ZBTB8OS: variants seen among roughly 807,000 people sequenced by gnomAD.
ZBTB8OS encodes tRNA-splicing ligase-activating factor archease.
ZBTB8OS carries 16 observed loss-of-function variants against 29.3 expected under a neutral mutation model. The ratio of observed to expected loss-of-function variants is 0.55; its 90% CI spans 0.37 to 0.83. The LOEUF (loss-of-function observed/expected upper bound fraction) is 0.83, where lower values mean the gene tolerates loss of function less well. ZBTB8OS is among the 40% of genes least tolerant of loss of function. The probability of loss-of-function intolerance (pLI) is 0.00; values close to 1 mark genes in which losing one functional copy is unlikely to be tolerated. For synonymous variants in ZBTB8OS, 70 were observed against 64.6 expected, an observed-to-expected ratio of 1.08 and a Z score of -0.40; for missense variants, 160 against 196.9, an observed-to-expected ratio of 0.81 and a Z score of 1.12.
At chr1:32,638,230 CTTTTTTTTTTT>C (rs760775116) in intron 1 of ZBTB8OS, among the ~76,000 whole-genome samples, 1 of 102,152 alleles carries the variant, frequency 9.8e-6, no homozygotes, top group Non-Finnish European at 1.9e-5. Context: ...CTCCAGAATT[CTTTTTTTTTTT>C]TTTTTTTTTT....
At chr1:32,636,652 T>C (rs1645984297) in intron 1 of ZBTB8OS, among the ~76,000 whole-genome samples, 2 of 148,294 alleles carry the variant, frequency 1.3e-5, no homozygotes, top group African/African-American at 5.1e-5. Context: ...ATCGCGCCAC[T>C]GCATTCCAGC....
intron 6 of ZBTB8OS, among the ~76,000 whole-genome samples, chr1:32,623,294 G>T (rs1460753913): frequency 6.6e-6 from 1 of 152,110 alleles, no homozygotes; most frequent in Admixed American, 6.6e-5. Context: ...ATGCTAACTG[G>T]TATCACCCTG....
In ZBTB8OS at chr1:32,634,109, C is replaced by T. The variant is rs776711862; in HGVS notation, c.123-37G>A. 8 of 1,389,064 alleles carry T rather than the reference C, an allele frequency of 5.8e-6. No homozygotes were observed. In the African/African-American group the frequency reaches 1.2e-4, roughly 21 times the overall value. The allele number at this position is 1,389,064 out of a possible 1,614,324, so 86.0% of individuals were successfully genotyped here. On this transcript the variant is annotated intron_variant, in intron 2 of 6. Transcript: ENST00000468695. Reference sequence around the variant, plus strand: ...TATTCATGCTCTGTGTAATACAATCCACTGCAAGAAAGAAAATTTGATAGC... The same window carrying T: ...TATTCATGCTCTGTGTAATACAATCTACTGCAAGAAAGAAAATTTGATAGC...
intron 5 of ZBTB8OS, 109 bp from the exon 6 acceptor site, chr1:32,627,653 G>T: frequency 2.0e-6 from 2 of 980,220 alleles, no homozygotes; most frequent in East Asian, 2.5e-5. Context: ...GAGACAGGAG[G>T]GGGTCAGGGA....
chr1:32,647,657 A>G (rs572695339), intron 1 of ZBTB8OS, among the ~76,000 whole-genome samples: 30 of 152,256 alleles, frequency 2.0e-4, no homozygotes, highest in African/African-American at 6.0e-4. Context: ...TAGGAGCTTG[A>G]ACACTATTGT....
chr1:32,627,438 A>C, intron 6 of ZBTB8OS, 70 bp downstream of exon 6: 1 of 1,381,254 alleles, frequency 7.2e-7, no homozygotes, highest in Non-Finnish European at 1.0e-6. Flanking sequence ...ACTGAAGTTG[A>C]TTGTCACATA....
rs547172152 is a variant in ZBTB8OS at position 32,650,297 on chromosome 1, T to C, written c.97+136A>G. ...TCCCCAGGAGAAGTACGAACGCGAC[T>C]ACAACAGCCGGCACAAATGGGATCA... On this transcript the variant is annotated intron_variant, in intron 1 of 6. Coordinates refer to ENST00000468695, the MANE Select transcript of ZBTB8OS (RefSeq NM_178547.5). 57 of 1,239,082 alleles carry C rather than the reference T, an allele frequency of 4.6e-5. No homozygotes were observed. In the African/African-American group the frequency reaches 7.5e-4, roughly 16 times the overall value. 76.8% of individuals were successfully genotyped at this position (1,239,082 alleles called of 1,614,324 possible).
At chr1:32,642,525 G>C (rs1646491672) in intron 1 of ZBTB8OS, among the ~76,000 whole-genome samples, 1 of 150,104 alleles carries the variant, frequency 6.7e-6, no homozygotes, top group Non-Finnish European at 1.5e-5. Flanking sequence ...GAAAAAAAAA[G>C]AAATGGCCCG....
intron 5 of ZBTB8OS, among the ~76,000 whole-genome samples, chr1:32,628,035 CTG>C (rs1420546006): frequency 1.3e-5 from 2 of 151,146 alleles, no homozygotes; most frequent in African/African-American, 2.4e-5. Flanking sequence ...CAGGGCAAGA[CTG>C]TGTTTCAAAA....
rs879079549 is a variant in ZBTB8OS, at chr1:32,621,398, CAAA to C, written c.*461_*463del. The stretch of plus-strand genomic sequence containing the variant: ...TGGGCTACAGAGCGAGACTCCGTCT[CAAA>C]AAAAAAAAAAAAAAAGAAACAAAAT... On this transcript the variant is annotated 3_prime_UTR_variant, in exon 7 of 7. Coordinates refer to ENST00000468695, the MANE Select transcript of ZBTB8OS (RefSeq NM_178547.5). The C allele has an allele frequency of 2.3e-4, 14 of 60,860 alleles. No individual in the cohort carries two copies. Among genetic ancestry groups the C allele is most frequent in the South Asian group, 5.3e-4 (1 of 1,870 alleles). The allele number at this position is 60,860 out of a possible 1,614,324, so 3.8% of individuals were successfully genotyped here. A position where few individuals can be genotyped will look rare whatever the true frequency, so the allele number is the denominator to read the frequency against.
At chr1:32,646,391 T>G (rs1014285297) in intron 1 of ZBTB8OS, among the ~76,000 whole-genome samples, 3 of 151,862 alleles carry the variant, frequency 2.0e-5, no homozygotes, top group Non-Finnish European at 2.9e-5. Flanking sequence ...TTTTATTTTA[T>G]TATTATTTTT....
At chr1:32,650,585 A>C (rs760557000), upstream of ZBTB8OS, 1 of 1,613,550 alleles carries the variant, frequency 6.2e-7, no homozygotes, top group East Asian at 2.2e-5. Flanking sequence ...TTCGGCCCGG[A>C]GTTACTACTT....
At chr1:32,639,772 A>G (rs931628766) in intron 1 of ZBTB8OS, among the ~76,000 whole-genome samples, 1 of 152,100 alleles carries the variant, frequency 6.6e-6, no homozygotes, top group Admixed American at 6.6e-5. Context: ...AAAAAAAATA[A>G]AAGTTATTAA....
intron 6 of ZBTB8OS, among the ~76,000 whole-genome samples, chr1:32,626,793 C>A (rs1645163382): frequency 6.6e-6 from 1 of 152,186 alleles, no homozygotes; most frequent in South Asian, 2.1e-4. Flanking sequence ...AAGCGATCTG[C>A]CTGCCTTGGC....
At position 32,650,523 on chromosome 1, in the gene ZBTB8OS, G is replaced by C; in HGVS notation, c.7C>G (p.Gln3Glu). Residue 3 changes from glutamine (Q) to glutamate (E), a missense_variant, in exon 1 of 7, where the codon CAG becomes GAG. Physicochemically the swap from Gln to Glu is conservative, Grantham distance 29. Transcript: ENST00000468695. ...TAATCTCTAACATCTTCCTCTTCCT[G>C]CGCCATGACTGCAGGATTAGACACT... MA[Q>E]EEEDVRDYNL... The C allele has an allele frequency of 6.2e-7, 1 of 1,613,988 alleles. No homozygotes were observed. Among genetic ancestry groups the C allele is most frequent in the South Asian group, 1.1e-5 (1 of 91,072 alleles).
intron 6 of ZBTB8OS, among the ~76,000 whole-genome samples, chr1:32,626,163 ACGC>A (rs971434677): frequency 1.3e-5 from 2 of 152,130 alleles, no homozygotes; most frequent in Non-Finnish European, 2.9e-5. Context: ...GTGAACCACC[ACGC>A]CGGGCCTATA....
At chr1:32,621,985 A>G (rs756572305) in intron 6 of ZBTB8OS, 37 bp from the exon 7 acceptor site, 1 of 1,307,812 alleles carries the variant, frequency 7.6e-7, no homozygotes, top group Non-Finnish European at 1.1e-6. Flanking sequence ...AAAAAAAAGG[A>G]AAATAGGATA....
chr1:32,646,785 C>T (rs1255652181), intron 1 of ZBTB8OS, among the ~76,000 whole-genome samples: 5 of 151,224 alleles, frequency 3.3e-5, no homozygotes, highest in African/African-American at 1.2e-4. Context: ...GCCTGTAACC[C>T]CAGCACTTTG....
At chr1:32,630,725 A>G (rs1431448981) in intron 5 of ZBTB8OS, among the ~76,000 whole-genome samples, 1 of 152,030 alleles carries the variant, frequency 6.6e-6, no homozygotes, top group Non-Finnish European at 1.5e-5. Flanking sequence ...AAAAAAATAA[A>G]TGAGGCCGGG....
Sources: allele counts gnomAD v4.1 joint callset (sites outside exome capture counted in the v4.1 genomes callset), GRCh38; gene constraint gnomAD v4.1.1; transcripts MANE v1.5; gene names NCBI Gene and HGNC (gene_info 2026-07-23, HGNC 2026-07-21).